The following IL20RB variants were observed in gnomAD, a reference collection of about 807,000 sequenced individuals.
IL20RB encodes interleukin-20 receptor subunit beta.
IL20RB carries 21 observed loss-of-function variants against 33.3 expected under a neutral mutation model. The observed-to-expected ratio is 0.63, with a 90% CI of 0.45 to 0.91. IL20RB has a LOEUF of 0.91. Among genes scored for constraint, IL20RB ranks in the 40% least tolerant of loss-of-function variants. The pLI is 0.00. For missense variants in IL20RB, 345 were observed against 384.8 expected, an observed-to-expected ratio of 0.90 and a Z score of 0.86; for synonymous variants, 147 against 146.8, an observed-to-expected ratio of 1.00 and a Z score of -0.01.
At chr3:136,987,463 C>T (rs1941932097) in intron 3 of IL20RB, among the ~76,000 whole-genome samples, 3 of 152,146 alleles carry the variant, frequency 2.0e-5, no homozygotes. Flanking sequence ...TATTTACAAT[C>T]CCTGAGCTAG....
At chr3:136,973,328 A>C (rs1941535434) in intron 1 of IL20RB, among the ~76,000 whole-genome samples, 1 of 151,432 alleles carries the variant, frequency 6.6e-6, no homozygotes, top group African/African-American at 2.4e-5. Flanking sequence ...AAAAATACAA[A>C]AAAAAAAAAA....
rs571598929 is a variant in IL20RB, at chr3:136,973,568, G to A, written c.89-6898G>A. On this transcript the variant is annotated intron_variant, in intron 1 of 6. Coordinates refer to ENST00000329582, the MANE Select transcript of IL20RB (RefSeq NM_144717.4). ...TGGATATAATGTTCTGTAAATATCTGTTAGGTCCATTTGGTCTAAAGTCCA... is the reference window on the plus strand; with the variant it reads ...TGGATATAATGTTCTGTAAATATCTATTAGGTCCATTTGGTCTAAAGTCCA... Among the ~76,000 whole-genome samples the A allele has an allele frequency of 2.7e-4, 41 of 152,220 alleles. No homozygotes were observed. The Middle Eastern group carries it at 0.01, about 38-fold the overall frequency.
At chr3:136,967,115 A>G (rs1941372278) in intron 1 of IL20RB, among the ~76,000 whole-genome samples, 1 of 103,538 alleles carries the variant, frequency 9.7e-6, no homozygotes, top group Non-Finnish European at 1.9e-5. Flanking sequence ...CTTTACTTCC[A>G]ACTATGTGGT....
At chr3:136,961,685 C>A (rs1181810245) in intron 1 of IL20RB, among the ~76,000 whole-genome samples, 2 of 152,016 alleles carry the variant, frequency 1.3e-5, no homozygotes, top group Admixed American at 1.3e-4. Flanking sequence ...TAGTGAAATT[C>A]AAATAAAGTC....
intron 6 of IL20RB, among the ~76,000 whole-genome samples, chr3:136,995,841 C>A (rs1942116550): frequency 6.6e-6 from 1 of 152,200 alleles, no homozygotes; most frequent in Non-Finnish European, 1.5e-5. Context: ...CCAGGATGCT[C>A]AGCATTGCAG....
chr3:136,974,465 C>A (rs749750060), intron 1 of IL20RB, among the ~76,000 whole-genome samples: 2 of 152,014 alleles, frequency 1.3e-5, no homozygotes, highest in Non-Finnish European at 2.9e-5. Flanking sequence ...TTAAATATAT[C>A]ATTCCATTCT....
At chr3:137,003,777 G>A (rs1486534398) in intron 6 of IL20RB, among the ~76,000 whole-genome samples, 5 of 152,098 alleles carry the variant, frequency 3.3e-5, no homozygotes, top group African/African-American at 1.2e-4. Context: ...TTGCCTGCTT[G>A]GCCTGGCCAG....
chr3:136,995,898 T>C (rs757218915), intron 6 of IL20RB, among the ~76,000 whole-genome samples: 1 of 152,202 alleles, frequency 6.6e-6, no homozygotes, highest in Non-Finnish European at 1.5e-5. Context: ...CTGAGCATTC[T>C]TGGCCTCTTC....
chr3:136,958,257 G>A (rs1553801224), intron 1 of IL20RB, 56 bp downstream of exon 1: 6 of 1,051,880 alleles, frequency 5.7e-6, no homozygotes, highest in South Asian at 2.6e-5. Flanking sequence ...AGGTTAAGAA[G>A]GCAAAAAATA....
At chr3:137,009,081 A>G (rs550574184) in intron 6 of IL20RB, among the ~76,000 whole-genome samples, 1 of 152,176 alleles carries the variant, frequency 6.6e-6, no homozygotes, top group African/African-American at 2.4e-5. Flanking sequence ...TCCTGTTGGC[A>G]TTTGCCCATG....
intron 4 of IL20RB, 27 bp from the exon 5 acceptor site, chr3:136,991,911 A>G: frequency 6.2e-7 from 1 of 1,610,256 alleles, no homozygotes; most frequent in Non-Finnish European, 8.5e-7. Flanking sequence ...CACTTGGCCA[A>G]TAACTGTGTT....
At chr3:136,985,932 G>A (rs1421050948) in intron 3 of IL20RB, among the ~76,000 whole-genome samples, 1 of 152,148 alleles carries the variant, frequency 6.6e-6, no homozygotes, top group Non-Finnish European at 1.5e-5. Context: ...CTGTGACTCT[G>A]GGCATGTCAC....
rs115872847 is a variant in IL20RB, at chr3:136,992,989, C to T, written c.682+901C>T. Among the ~76,000 whole-genome samples, 697 of 152,280 alleles carry T rather than the reference C, an allele frequency of 4.6e-3. 7 individuals are homozygous for T. The highest frequency in any genetic ancestry group is 0.016 in the African/African-American group (659 of 41,560). ...TCCATAACATTTTTCATGCAGATTT[C>T]CTGATTACTATTTTATGCTACTTTA... On this transcript the variant is annotated intron_variant, in intron 5 of 6. Transcript: ENST00000329582.
chr3:136,992,656 A>T (rs188667909), intron 5 of IL20RB, among the ~76,000 whole-genome samples: 88 of 152,352 alleles, frequency 5.8e-4, no homozygotes, highest in Non-Finnish European at 9.4e-4. Context: ...CACTAGTTAC[A>T]TTTTTGTGTA....
At chr3:136,999,893 A>C (rs1942206903) in intron 6 of IL20RB, among the ~76,000 whole-genome samples, 1 of 152,130 alleles carries the variant, frequency 6.6e-6, no homozygotes, top group African/African-American at 2.4e-5. Flanking sequence ...ATTTATTATG[A>C]GAATATTTTC....
At chr3:136,981,301 A>AAATTAAAG in intron 2 of IL20RB, among the ~76,000 whole-genome samples, 1 of 16,186 alleles carries the variant, frequency 6.2e-5, no homozygotes, top group African/African-American at 1.8e-4. Flanking sequence ...TTAAATTAAA[A>AAATTAAAG]TGTCTGTTTC....
At position 137,010,149 on chromosome 3, in the gene IL20RB, A is replaced by G. The variant is rs752720998; in HGVS notation, c.862A>G (p.Arg288Gly). The change falls in exon 7 of 7, where the codon AGA (arginine) becomes GGA (glycine). Residue 288 changes from arginine to glycine, a missense_variant. Arg to Gly is a moderately radical substitution (Grantham distance 125). Transcript: ENST00000329582. ...TNSPQKLISCRREEVDACATA... is the reference protein window; with the variant it reads ...TNSPQKLISCGREEVDACATA... ...TTCACCCCAGAAGTTAATCAGCTGCAGAAGGGAGGAGGTGGATGCCTGTGC... is the reference window on the plus strand; with the variant it reads ...TTCACCCCAGAAGTTAATCAGCTGCGGAAGGGAGGAGGTGGATGCCTGTGC... The G allele has an allele frequency of 1.9e-5, 30 of 1,606,658 alleles. No homozygotes were observed. Among genetic ancestry groups the G allele is most frequent in the Admixed American group, 5.0e-5 (3 of 59,984 alleles).
At chr3:136,982,989 G>A (rs929075271) in intron 3 of IL20RB, among the ~76,000 whole-genome samples, 2 of 152,192 alleles carry the variant, frequency 1.3e-5, no homozygotes, top group Non-Finnish European at 2.9e-5. Flanking sequence ...TGGGCAGGGG[G>A]TAGGGAAGCA....
chr3:136,996,114 T>C (rs1213070619), intron 6 of IL20RB, among the ~76,000 whole-genome samples: 2 of 152,090 alleles, frequency 1.3e-5, no homozygotes, highest in Admixed American at 1.3e-4. Flanking sequence ...ACCCTACCTG[T>C]ATTCTCAGAT....
Sources: gnomAD v4.1 joint callset for allele counts (sites outside exome capture counted in the v4.1 genomes callset) on GRCh38, gnomAD v4.1.1 for gene constraint, MANE v1.5 for transcripts, NCBI Gene and HGNC (gene_info 2026-07-23, HGNC 2026-07-21) for gene names.